Variants in HACE1 observed in about 807,000 individuals in gnomAD.
HACE1 encodes the protein HECT domain and ankyrin repeat containing E3 ubiquitin protein ligase 1.
HACE1 carries 73 observed loss-of-function variants against 118.4 expected under a neutral mutation model. The ratio of observed to expected loss-of-function variants is 0.62; its 90% CI spans 0.51 to 0.75. The LOEUF (loss-of-function observed/expected upper bound fraction) is 0.75. Among genes scored for constraint, HACE1 ranks in the 30% least tolerant of loss-of-function variants. The pLI, the probability that HACE1 is intolerant of heterozygous loss-of-function variation, is 0.00. For missense variants in HACE1, 749 were observed against 1,102.2 expected (o/e 0.68, Z 4.54); for synonymous variants, 368 against 374.8 (o/e 0.98, Z 0.21).
chr6:104,852,480 G>A, intron 1 of HACE1, 109 bp from the exon 2 acceptor site: 1 of 689,550 alleles, frequency 1.5e-6, no homozygotes. Flanking sequence ...GAAAAGGAGA[G>A]GAAGAAGGAG....
At position 104,745,768 on chromosome 6, in the gene HACE1, G is replaced by A. The variant is rs79116406; in HGVS notation, c.2344-1158C>T. On this transcript the variant is annotated intron_variant, in intron 20 of 23. Coordinates refer to ENST00000262903, the MANE Select transcript of HACE1 (RefSeq NM_020771.4). Reference sequence around the variant, plus strand: ...GATTTCTTATTACAGGGATGTAGATGCCCTGTGATTCAAAATCATGTCTCC... The same window carrying A: ...GATTTCTTATTACAGGGATGTAGATACCCTGTGATTCAAAATCATGTCTCC... Among the ~76,000 whole-genome samples the A allele has an allele frequency of 1.6e-3, 249 of 152,096 alleles. 1 individual carries two copies. The highest frequency in any genetic ancestry group is 3.5e-3 in the South Asian group (17 of 4,812).
chr6:104,758,576 T>TACCAG (rs1304443551), intron 19 of HACE1, among the ~76,000 whole-genome samples: 1 of 152,110 alleles, frequency 6.6e-6, no homozygotes, highest in Admixed American at 6.6e-5. Flanking sequence ...TAACAACCGG[T>TACCAG]ACCAGCCACT....
At chr6:104,802,110 C>G (rs1172597650) in intron 7 of HACE1, among the ~76,000 whole-genome samples, 1 of 146,948 alleles carries the variant, frequency 6.8e-6, no homozygotes, top group African/African-American at 2.5e-5. Flanking sequence ...AAGATCAAAA[C>G]AGACAAGGAA....
At position 104,813,709 on chromosome 6, in the gene HACE1, C is replaced by T. The variant is rs887091790; in HGVS notation, c.535-2316G>A. Among the ~76,000 whole-genome samples the T allele has an allele frequency of 3.6e-5, 5 of 138,222 alleles. 2 individuals are homozygous for T. Among genetic ancestry groups the T allele is most frequent in the Non-Finnish European group, 7.8e-5 (5 of 64,350 alleles). The allele number at this position is 138,222 out of a possible 152,430, so 90.7% of individuals were successfully genotyped here. On this transcript the variant is annotated intron_variant, in intron 6 of 23. Coordinates refer to ENST00000262903, the MANE Select transcript of HACE1 (RefSeq NM_020771.4). ...CAACAAACTCAACTCATGTACACAACGCTTCCAGCCAACATTTGAGTGCCT... is the reference window on the plus strand; with the variant it reads ...CAACAAACTCAACTCATGTACACAATGCTTCCAGCCAACATTTGAGTGCCT...
chr6:104,756,448 C>T (rs1159400779), intron 19 of HACE1, among the ~76,000 whole-genome samples: 19 of 143,406 alleles, frequency 1.3e-4, no homozygotes, highest in South Asian at 1.1e-3. Flanking sequence ...TATATATATA[C>T]ACACACACAC....
At chr6:104,744,659 G>C (rs755010577) in intron 20 of HACE1, 49 bp from the exon 21 acceptor site, 2 of 1,076,806 alleles carry the variant, frequency 1.9e-6, no homozygotes. Context: ...AGGGAAAAAA[G>C]TTATTATATT....
intron 7 of HACE1, among the ~76,000 whole-genome samples, chr6:104,809,529 A>G (rs563900686): frequency 3.6e-4 from 55 of 152,308 alleles, no homozygotes; most frequent in Non-Finnish European, 6.9e-4. Context: ...ACAGTGAGCT[A>G]AACAGGAGTG....
At chr6:104,745,180 A>G (rs1777280824) in intron 20 of HACE1, among the ~76,000 whole-genome samples, 1 of 152,218 alleles carries the variant, frequency 6.6e-6, no homozygotes, top group Admixed American at 6.5e-5. Context: ...AATTTTCTCC[A>G]AAGTCAAAAA....
At chr6:104,731,571 A>T (rs937039789) in intron 22 of HACE1, 2 of 152,114 alleles carry the variant, frequency 1.3e-5, no homozygotes, top group Non-Finnish European at 2.9e-5. Context: ...TCACATACAT[A>T]ATGAAATGAT....
At chr6:104,743,802 T>C in intron 22 of HACE1, among the ~76,000 whole-genome samples, 1 of 149,370 alleles carries the variant, frequency 6.7e-6, no homozygotes, top group East Asian at 1.9e-4. Flanking sequence ...GCCTTACTAT[T>C]AAACCAAACC....
At chr6:104,849,908 C>T (rs145542919) in intron 3 of HACE1, among the ~76,000 whole-genome samples, 2,368 of 151,622 alleles carry the variant, frequency 0.016, 72 homozygotes, top group African/African-American at 0.055. Flanking sequence ...CCTCGGCCTC[C>T]CAAAGTGCTA....
At chr6:104,806,059 T>C (rs1196048694) in intron 7 of HACE1, among the ~76,000 whole-genome samples, 1 of 152,058 alleles carries the variant, frequency 6.6e-6, no homozygotes, top group Admixed American at 6.6e-5. Flanking sequence ...CAAAAAAGGA[T>C]AATCAGCATG....
chr6:104,768,230 T>C (rs759850659), intron 19 of HACE1, among the ~76,000 whole-genome samples: 1 of 152,130 alleles, frequency 6.6e-6, no homozygotes, highest in Admixed American at 6.6e-5. Context: ...AAAGGCCCTC[T>C]AACAAGTTTA....
At position 104,776,754 on chromosome 6, in the gene HACE1, G is replaced by A. The variant is rs1235649116; in HGVS notation, c.1851C>T (p.Thr617=). The A allele has an allele frequency of 1.7e-5, 27 of 1,598,344 alleles. No individual in the cohort carries two copies. Among genetic ancestry groups the A allele is most frequent in the Non-Finnish European group, 2.3e-5 (27 of 1,165,638 alleles). ...EIVNPDYALF[T]QSADGTTFQP... is the part of the protein sequence containing the mutation. ...TGTACAACTTACCATCAGCTGACTG[G>A]GTAAACAATGCATAATCAGGATTGA... Residue 617 remains threonine (T), a synonymous_variant, in exon 17 of 24, where the codon ACC becomes ACT. Coordinates refer to ENST00000262903, the MANE Select transcript of HACE1 (RefSeq NM_020771.4).
intron 19 of HACE1, among the ~76,000 whole-genome samples, chr6:104,762,243 C>A (rs1315770422): frequency 2.0e-5 from 3 of 152,144 alleles, no homozygotes; most frequent in Non-Finnish European, 4.4e-5. Flanking sequence ...TAAAGACACA[C>A]GCACACGTAT....
At chr6:104,817,262 C>T (rs780196329) in intron 6 of HACE1, among the ~76,000 whole-genome samples, 7 of 152,044 alleles carry the variant, frequency 4.6e-5, no homozygotes, top group Non-Finnish European at 1.0e-4. Context: ...CCAAATCTCA[C>T]GTCAAATTGG....
chr6:104,766,864 A>G (rs1034991388), intron 19 of HACE1: 2 of 152,214 alleles, frequency 1.3e-5, no homozygotes, highest in Non-Finnish European at 2.9e-5. Context: ...GGAACCATAC[A>G]GAGAAGACTG....
intron 19 of HACE1, among the ~76,000 whole-genome samples, chr6:104,758,091 C>T (rs1440314499): frequency 1.3e-5 from 2 of 152,098 alleles, no homozygotes; most frequent in African/African-American, 2.4e-5. Flanking sequence ...CTGAGAGTGA[C>T]GGGGAGAATG....
chr6:104,781,238 A>T (rs1323662374), intron 14 of HACE1, among the ~76,000 whole-genome samples: 3 of 152,042 alleles, frequency 2.0e-5, no homozygotes, highest in Non-Finnish European at 2.9e-5. Flanking sequence ...TGTTGCCATC[A>T]TTATTTATTT....
Sources: gnomAD v4.1 joint callset for allele counts (sites outside exome capture counted in the v4.1 genomes callset) on GRCh38, gnomAD v4.1.1 for gene constraint, MANE v1.5 for transcripts, NCBI Gene and HGNC (gene_info 2026-07-23, HGNC 2026-07-21) for gene names.